The following NFASC variants were observed in gnomAD, a reference collection of about 807,000 sequenced individuals.
NFASC encodes the protein neurofascin homolog.
NFASC carries 43 observed loss-of-function variants against 147.5 expected under a neutral mutation model. That is an observed-to-expected ratio of 0.29 (90% CI 0.23 to 0.38). The LOEUF (loss-of-function observed/expected upper bound fraction) is 0.38. NFASC is among the 10% of genes least tolerant of loss of function. The pLI, the probability that NFASC is intolerant of heterozygous loss-of-function variation, is 1.00. For missense variants in NFASC, 1,320 were observed against 1,689.0 expected (o/e 0.78, Z 3.83); for synonymous variants, 622 against 665.5 (o/e 0.93, Z 1.01).
Position 204,968,379 on chromosome 1 carries a change from C to T in NFASC, c.818+19C>T, listed in dbSNP as rs1573898070. 1 of 1,584,920 alleles carries T rather than the reference C, an allele frequency of 6.3e-7. No individual in the cohort carries two copies. The highest frequency in any genetic ancestry group is 8.7e-7 in the Non-Finnish European group (1 of 1,153,460). ...CCGGGGTGTATGTGCGGTTTGCAGC[C>T]CCTCTTCTAGCCACCCTCCAGGAGG... On this transcript the variant is annotated intron_variant, in intron 9 of 29. Transcript: ENST00000339876. This position sits in a 1 kb window ranked among gnomAD's most constrained non-coding sequence, Gnocchi z 5.4.
At chr1:204,891,856 A>G (rs1160933484) in intron 1 of NFASC, among the ~76,000 whole-genome samples, 1 of 152,182 alleles carries the variant, frequency 6.6e-6, no homozygotes. Flanking sequence ...CAGGCAGGCA[A>G]CAAGCATGGC....
At chr1:204,972,006 T>G (rs1049039521) in intron 11 of NFASC, among the ~76,000 whole-genome samples, 1 of 152,200 alleles carries the variant, frequency 6.6e-6, no homozygotes, top group Non-Finnish European at 1.5e-5. Flanking sequence ...GGATTATTGG[T>G]TGCACGAGAA....
At chr1:204,915,722 G>T (rs74138651) in intron 1 of NFASC, among the ~76,000 whole-genome samples, 1,953 of 152,232 alleles carry the variant, frequency 0.013, 46 homozygotes, top group African/African-American at 0.044. Flanking sequence ...AATATTCAAG[G>T]GGTAGAGGCA....
chr1:205,017,558 G>A lies in NFASC; in HGVS notation c.*1019G>A, dbSNP rs2096371636. The A allele has an allele frequency of 6.5e-6, 1 of 152,692 alleles. No individual in the cohort carries two copies. Among genetic ancestry groups the A allele is most frequent in the Non-Finnish European group, 1.5e-5 (1 of 68,068 alleles). The allele number at this position is 152,692 out of a possible 1,614,324, so 9.5% of individuals were successfully genotyped here. A position where few individuals can be genotyped will look rare whatever the true frequency, so the allele number is the denominator to read the frequency against. ...CCACACCCACCCTGTCCAGAGTAGA[G>A]GGCACCTGTCCACGTGGCCAGGGCC... On this transcript the variant is annotated 3_prime_UTR_variant, in exon 30 of 30. Coordinates refer to ENST00000339876, the MANE Select transcript of NFASC (RefSeq NM_001005388.3).
chr1:204,880,387 G>A lies in NFASC; in HGVS notation c.-199-40245G>A, dbSNP rs191953874. On this transcript the variant is annotated intron_variant, in intron 1 of 29. Coordinates refer to ENST00000339876, the MANE Select transcript of NFASC (RefSeq NM_001005388.3). Reference sequence around the variant, plus strand: ...TATTTATTTTTTGAGACAGAGTCTCGCTCTGTTGCCCAGGCTGGAGTGCAG... The same window carrying A: ...TATTTATTTTTTGAGACAGAGTCTCACTCTGTTGCCCAGGCTGGAGTGCAG... 1.8e-4 allele frequency among the ~76,000 whole-genome samples: 27 copies of A among 151,938 alleles called. No homozygotes were observed. In the East Asian group the frequency reaches 2.3e-3, roughly 13 times the overall value.
intron 16 of NFASC, 81 bp from the exon 17 acceptor site, chr1:204,977,600 C>G (rs1474980093): frequency 1.5e-6 from 2 of 1,372,740 alleles, no homozygotes; most frequent in Non-Finnish European, 2.0e-6. Context: ...GTTTAAGCCT[C>G]GGCTGCCTAC....
rs58294218 is a variant in NFASC at position 204,830,006 on chromosome 1, G to GGTGTGTGTGTGT, written c.-200+1253_-200+1264dup. Reference sequence around the variant, plus strand: ...CTCCTTCCTTGGCATTTTGGCATGGGGTGTGTGTGTGTGTGTGTGTGTGTG... The same window carrying GGTGTGTGTGTGT: ...CTCCTTCCTTGGCATTTTGGCATGGGGTGTGTGTGTGTGTGTGTGTGTGTGTGTGTGTGTGTG... On this transcript the variant is annotated intron_variant, in intron 1 of 29. Transcript: ENST00000339876. Among the ~76,000 whole-genome samples the GGTGTGTGTGTGT allele has an allele frequency of 2.8e-3, 398 of 144,098 alleles. 2 individuals carry two copies. The highest frequency in any genetic ancestry group is 6.6e-3 in the African/African-American group (256 of 38,566). The allele number at this position is 144,098 out of a possible 152,430, so 94.5% of individuals were successfully genotyped here. A position where few individuals can be genotyped will look rare whatever the true frequency, so the allele number is the denominator to read the frequency against.
chr1:204,896,493 A>G (rs1033124643), intron 1 of NFASC, among the ~76,000 whole-genome samples: 1 of 152,206 alleles, frequency 6.6e-6, no homozygotes, highest in African/African-American at 2.4e-5. Flanking sequence ...ACAAGTAGGA[A>G]TTGGTAGAAG....
At chr1:204,932,187 G>A (rs958543663) in intron 2 of NFASC, among the ~76,000 whole-genome samples, 8 of 152,136 alleles carry the variant, frequency 5.3e-5, no homozygotes, top group African/African-American at 1.7e-4. Context: ...TTTTAGTGAC[G>A]TCACTTGAGT....
chr1:204,886,975 A>G (rs1258063786), intron 1 of NFASC, among the ~76,000 whole-genome samples: 1 of 152,204 alleles, frequency 6.6e-6, no homozygotes, highest in Non-Finnish European at 1.5e-5. Flanking sequence ...CCTCATTAAA[A>G]AAAATTGTGA....
Position 205,016,713 on chromosome 1 carries a change from C to T in NFASC, c.*174C>T. The T allele has an allele frequency of 1.5e-6, 1 of 680,270 alleles. No individual in the cohort carries two copies. The highest frequency in any genetic ancestry group is 2.7e-6 in the Non-Finnish European group (1 of 371,856). 42.1% of individuals were successfully genotyped at this position (680,270 alleles called of 1,614,324 possible). Reference sequence around the variant, plus strand: ...CCACCAAGCCACCCACAAGCCCCCTCCCAATGACCCCCCTTCAGCCCCGGG... The same window carrying T: ...CCACCAAGCCACCCACAAGCCCCCTTCCAATGACCCCCCTTCAGCCCCGGG... On this transcript the variant is annotated 3_prime_UTR_variant, in exon 30 of 30. Coordinates refer to ENST00000339876, the MANE Select transcript of NFASC (RefSeq NM_001005388.3). This position sits in a 1 kb window ranked among gnomAD's most constrained non-coding sequence, Gnocchi z 5.1.
chr1:204,889,061 G>A (rs1051513577), intron 1 of NFASC, among the ~76,000 whole-genome samples: 1 of 152,206 alleles, frequency 6.6e-6, no homozygotes, highest in Non-Finnish European at 1.5e-5. Flanking sequence ...TGTTTCAGGA[G>A]CTCAAGGGCA....
At chr1:204,877,041 ATATATATAATATATTTATT>A (rs2079086576) in intron 1 of NFASC, among the ~76,000 whole-genome samples, 2 of 106,548 alleles carry the variant, frequency 1.9e-5, no homozygotes, top group African/African-American at 5.1e-5. Flanking sequence ...ATATATTTAT[ATATATATAATATATTTATT>A]TATATATTTA....
intron 24 of NFASC, chr1:204,993,825 G>C (rs1208141639): frequency 3.9e-6 from 2 of 514,652 alleles, no homozygotes; most frequent in Non-Finnish European, 7.8e-6. Flanking sequence ...CAGCTTCGTT[G>C]CTCTTCTATC....
chr1:204,889,128 C>T lies in NFASC; in HGVS notation c.-199-31504C>T, dbSNP rs118014090. ...AGGTTTCTGCCTGTCTGCACAACCT[C>T]GAATTTCTCTTACCTGATTTCAGGG... On this transcript the variant is annotated intron_variant, in intron 1 of 29. Transcript: ENST00000339876. Among the ~76,000 whole-genome samples the T allele has an allele frequency of 1.2e-4, 18 of 152,272 alleles. No homozygotes were observed. The East Asian group carries it at 3.5e-3, about 29-fold the overall frequency.
Position 204,837,731 on chromosome 1 carries a change from C to T in NFASC, c.-200+8949C>T, listed in dbSNP as rs114501214. 2.8e-3 allele frequency among the ~76,000 whole-genome samples: 427 copies of T among 152,194 alleles called. 4 individuals carry two copies. In the Middle Eastern group the frequency reaches 0.044, roughly 16 times the overall value. ...TCAGTGATGCTGCACTGGAAAGTAA[C>T]GCCGGGGAATGCTTACAACCAGCCA... On this transcript the variant is annotated intron_variant, in intron 1 of 29. Coordinates refer to ENST00000339876, the MANE Select transcript of NFASC (RefSeq NM_001005388.3).
intron 14 of NFASC, 71 bp downstream of exon 14, chr1:204,974,894 C>A (rs192692762): frequency 2.3e-5 from 34 of 1,478,992 alleles, no homozygotes; most frequent in Middle Eastern, 3.6e-4. Context: ...TATCCACATA[C>A]AATATTCACA....
At chr1:204,892,457 C>T (rs1436165377) in intron 1 of NFASC, among the ~76,000 whole-genome samples, 3 of 152,332 alleles carry the variant, frequency 2.0e-5, no homozygotes, top group Admixed American at 6.5e-5. Flanking sequence ...TAGCGACAGT[C>T]ATCTGGTGGC....
chr1:204,886,340 A>G (rs1292449886), intron 1 of NFASC, among the ~76,000 whole-genome samples: 2 of 152,222 alleles, frequency 1.3e-5, no homozygotes. Context: ...CTTTATATTT[A>G]CATCTCATTT....
Sources: gnomAD v4.1 joint callset for allele counts (sites outside exome capture counted in the v4.1 genomes callset) on GRCh38, gnomAD v4.1.1 for gene constraint, Gnocchi (gnomAD v3.1) non-coding constraint, MANE v1.5 for transcripts, NCBI Gene and HGNC (gene_info 2026-07-23, HGNC 2026-07-21) for gene names.